Variants in CYP24A1 observed in about 807,000 individuals in gnomAD.
The protein encoded by CYP24A1 is 1,25-dihydroxyvitamin D(3) 24-hydroxylase, mitochondrial.
Under a neutral mutation model 62.4 loss-of-function variants are expected in CYP24A1, and 68 were observed. The observed-to-expected ratio is 1.09, with a 90% CI of 0.90 to 1.33. The LOEUF (loss-of-function observed/expected upper bound fraction) is 1.33, where lower values mean the gene tolerates loss of function less well. Among genes scored for constraint, CYP24A1 ranks in the 40% most tolerant of loss-of-function variants. The pLI, the probability that CYP24A1 is intolerant of heterozygous loss-of-function variation, is 0.00. For missense variants in CYP24A1, 787 were observed against 653.0 expected (o/e 1.21, Z -2.24); for synonymous variants, 267 against 253.0 (o/e 1.06, Z -0.52).
At chr20:54,167,037 A>G (rs75978614) in intron 4 of CYP24A1, among the ~76,000 whole-genome samples, 111 of 150,562 alleles carry the variant, frequency 7.4e-4, no homozygotes, top group Non-Finnish European at 1.3e-3. Flanking sequence ...CACAGTCTGG[A>G]AAAAAAAAAT....
chr20:54,173,453 C>A lies in CYP24A1; in HGVS notation c.127G>T (p.Val43Phe), dbSNP rs2092702238. Residue 43 changes from valine (V) to phenylalanine (F), a missense_variant, in exon 1 of 12, where the codon GTC becomes TTC. Physicochemically the swap from Val to Phe is conservative, Grantham distance 50 (BLOSUM62 -1). Transcript: ENST00000216862. This position sits in a 1 kb window ranked among gnomAD's most constrained non-coding sequence, Gnocchi z 7.2. ...YTSPQPREVPVCPLTAGGETQ... is the reference protein window; with the variant it reads ...YTSPQPREVPFCPLTAGGETQ... ...TCGCCACCAGCTGTCAGCGGGCAGA[C>A]TGGCACCTCTCGCGGCTGAGGGGAC... 1 of 1,568,246 alleles carries A rather than the reference C, an allele frequency of 6.4e-7. No homozygotes were observed. The highest frequency in any genetic ancestry group is 1.2e-5 in the South Asian group (1 of 85,548).
the CYP24A1 span, among the ~76,000 whole-genome samples, chr20:54,143,617 T>A: frequency 1.3e-5 from 2 of 152,096 alleles, no homozygotes; most frequent in South Asian, 4.1e-4. Context: ...CATGAGTAAG[T>A]TCTTTAATGG....
At chr20:54,171,984 A>C in intron 2 of CYP24A1, 1 of 433,572 alleles carries the variant, frequency 2.3e-6, no homozygotes. Flanking sequence ...AGGCCTGGGG[A>C]CAATTCCTAG....
chr20:54,171,680 A>T lies in CYP24A1; in HGVS notation c.450-10T>A. ...CCAGTCTTCCCCTTCCCTGTGAGAG[A>T]AGCAGGAATACATTTAGAGCACACT... On this transcript the variant is annotated splice_polypyrimidine_tract_variant and intron_variant, in intron 2 of 11. Transcript: ENST00000216862. 6.2e-7 allele frequency: 1 copy of T among 1,613,900 alleles called. No individual in the cohort carries two copies. Among genetic ancestry groups the T allele is most frequent in the Non-Finnish European group, 8.5e-7 (1 of 1,179,904 alleles).
rs766293945 is a variant in CYP24A1 at position 54,173,411 on chromosome 20, C to A, written c.169G>T (p.Ala57Ser). Residue 57 changes from alanine (A) to serine (S), a missense_variant, in exon 1 of 12, where the codon GCC becomes TCC. Ala to Ser is a moderately conservative substitution (Grantham distance 99). Transcript: ENST00000216862. The surrounding 1 kb of genome is among the most constrained non-coding windows in gnomAD (Gnocchi z 7.2). ...GGCCAGCTGGTGGGGCCCGGCAGGG[C>A]GGCCGCGTTCTGAGTCTCGCCACCA... ...TAGGETQNAA[A>S]LPGPTSWPLL... 3.8e-6 allele frequency: 6 copies of A among 1,576,050 alleles called. No homozygotes were observed. The South Asian group carries it at 5.8e-5, about 15-fold the overall frequency.
At chr20:54,148,187 C>CTT in the CYP24A1 span, among the ~76,000 whole-genome samples, 1 of 147,962 alleles carries the variant, frequency 6.8e-6, no homozygotes, top group South Asian at 2.1e-4. Flanking sequence ...CTTTTCTTTT[C>CTT]TTTTTTTTTT....
downstream of CYP24A1, among the ~76,000 whole-genome samples, chr20:54,148,821 ATAAT>A (rs759600026): frequency 1.4e-4 from 21 of 152,202 alleles, no homozygotes; most frequent in Non-Finnish European, 2.4e-4. Flanking sequence ...TAAATTATAA[ATAAT>A]TAATTCTTCC....
At position 54,173,940 on chromosome 20, in the gene CYP24A1, G is replaced by T; in HGVS notation, c.-361C>A. 2.9e-6 allele frequency: 1 copy of T among 340,120 alleles called. No homozygotes were observed. The highest frequency in any genetic ancestry group is 5.5e-6 in the Non-Finnish European group (1 of 182,078). 21.1% of individuals were successfully genotyped at this position (340,120 alleles called of 1,614,324 possible). On this transcript the variant is annotated 5_prime_UTR_variant, in exon 1 of 12. Coordinates refer to ENST00000216862, the MANE Select transcript of CYP24A1 (RefSeq NM_000782.5). The surrounding 1 kb of genome is among the most constrained non-coding windows in gnomAD (Gnocchi z 7.2). The stretch of plus-strand genomic sequence containing the variant: ...GAGCCACGGGGAGGTGTCAAGGAGG[G>T]TAGATGAGATGCTGCTGGCGCTGCG...
At chr20:54,159,912 TA>T (rs1019248992) in intron 7 of CYP24A1, among the ~76,000 whole-genome samples, 1 of 152,164 alleles carries the variant, frequency 6.6e-6, no homozygotes, top group African/African-American at 2.4e-5. Context: ...GATCTCAAAA[TA>T]AACATTTAAT....
At chr20:54,170,609 C>T (rs2092690692) in intron 3 of CYP24A1, among the ~76,000 whole-genome samples, 1 of 152,104 alleles carries the variant, frequency 6.6e-6, no homozygotes, top group Non-Finnish European at 1.5e-5. Flanking sequence ...TTTACCACTA[C>T]TAGTTTAAAA....
chr20:54,161,510 A>ACAGT (rs1434738212), intron 7 of CYP24A1, among the ~76,000 whole-genome samples: 1 of 152,068 alleles, frequency 6.6e-6, no homozygotes, highest in African/African-American at 2.4e-5. Context: ...AGAACCTGGA[A>ACAGT]CAGTCCCAGG....
chr20:54,146,234 A>G, the CYP24A1 span, among the ~76,000 whole-genome samples: 3 of 152,266 alleles, frequency 2.0e-5, no homozygotes, highest in African/African-American at 7.2e-5. Context: ...GCACCATCCT[A>G]CTACAAGTTT....
chr20:54,157,038 C>A, intron 11 of CYP24A1, 131 bp downstream of exon 11: 1 of 648,130 alleles, frequency 1.5e-6, no homozygotes, highest in South Asian at 1.8e-5. Context: ...GTTTAGGGAA[C>A]TGCTCAAGGT....
chr20:54,148,654 C>CAAAA (rs1202029326), downstream of CYP24A1, among the ~76,000 whole-genome samples: 1 of 152,010 alleles, frequency 6.6e-6, no homozygotes, highest in East Asian at 1.9e-4. Flanking sequence ...AACAAACAAA[C>CAAAA]AAAAAACCAG....
rs764570572 is a variant in CYP24A1, at chr20:54,172,936, C to A, written c.422G>T (p.Arg141Leu). The change falls in exon 2 of 12, where the codon CGC becomes CTC. Residue 141 changes from arginine (R) to leucine (L), a missense_variant. Physicochemically the swap from Arg to Leu is moderately radical, Grantham distance 102. Coordinates refer to ENST00000216862, the MANE Select transcript of CYP24A1 (RefSeq NM_000782.5). ...IKPWKAYRDY[R>L]KEGYGLLILE... ...GATCAGCAGCCCGTAGCCTTCTTTG[C>A]GGTAGTCGCGATAGGCCTTCCACGG... 22 of 1,613,654 alleles carry A rather than the reference C, an allele frequency of 1.4e-5. No homozygotes were observed. Among genetic ancestry groups the A allele is most frequent in the African/African-American group, 5.3e-5 (4 of 74,930 alleles).
intron 7 of CYP24A1, 83 bp downstream of exon 7, chr20:54,162,634 G>A (rs1370212565): frequency 9.4e-6 from 8 of 853,004 alleles, no homozygotes; most frequent in Non-Finnish European, 1.4e-5. Flanking sequence ...TGAAATGAAT[G>A]AGATGAATTA....
Position 54,173,121 on chromosome 20 carries a change from G to A in CYP24A1, c.259-22C>T, listed in dbSNP as rs746821587. 1.2e-6 allele frequency: 2 copies of A among 1,600,054 alleles called. No individual in the cohort carries two copies. Among genetic ancestry groups the A allele is most frequent in the South Asian group, 1.1e-5 (1 of 91,032 alleles). ...CCACCTGCAGCCGGCCGGGCACAGC[G>A]CGGTGTCAGCGCGCATCCTCCGCCG... On this transcript the variant is annotated intron_variant, in intron 1 of 11. Coordinates refer to ENST00000216862, the MANE Select transcript of CYP24A1 (RefSeq NM_000782.5). This position sits in a 1 kb window ranked among gnomAD's most constrained non-coding sequence, Gnocchi z 7.2.
In CYP24A1 at chr20:54,173,417, C is replaced by T. The variant is rs2146515876; in HGVS notation, c.163G>A (p.Ala55Thr). The change falls in exon 1 of 12, where the codon GCG becomes ACG. Residue 55 changes from alanine (A) to threonine (T), a missense_variant. Transcript: ENST00000216862. This position sits in a 1 kb window ranked among gnomAD's most constrained non-coding sequence, Gnocchi z 7.2. The stretch of plus-strand genomic sequence containing the variant: ...CTGGTGGGGCCCGGCAGGGCGGCCG[C>T]GTTCTGAGTCTCGCCACCAGCTGTC... The part of the protein sequence containing the change: ...PLTAGGETQN[A>T]AALPGPTSWP... The T allele has an allele frequency of 1.3e-6, 2 of 1,573,730 alleles. No homozygotes were observed. Among genetic ancestry groups the T allele is most frequent in the South Asian group, 1.2e-5 (1 of 86,340 alleles).
At chr20:54,162,506 GGC>G (rs2092655138) in intron 7 of CYP24A1, 2 of 567,080 alleles carry the variant, frequency 3.5e-6, no homozygotes, top group African/African-American at 1.9e-5. Flanking sequence ...GAGGCACCGT[GGC>G]GTCTGGTATG....
Sources: allele counts gnomAD v4.1 joint callset (sites outside exome capture counted in the v4.1 genomes callset), GRCh38; gene constraint gnomAD v4.1.1; non-coding constraint Gnocchi (gnomAD v3.1); transcripts MANE v1.5; gene names NCBI Gene and HGNC (gene_info 2026-07-23, HGNC 2026-07-21).